Variants in CELF4 observed in about 807,000 individuals in gnomAD.
CELF4 encodes CUGBP Elav-like family member 4, also known as CUG-BP- and ETR-3-like factor 4.
In CELF4, 18 loss-of-function variants were observed where a neutral mutation model predicts 59.9. The observed-to-expected ratio is 0.30, with a 90% confidence interval of 0.21 to 0.45. CELF4 has a LOEUF of 0.45. CELF4 is among the 20% of genes least tolerant of loss of function. The pLI, the probability that CELF4 is intolerant of heterozygous loss-of-function variation, is 1.00. For missense variants in CELF4, 456 were observed against 689.0 expected (o/e 0.66, Z 3.79); for synonymous variants, 261 against 267.1 (o/e 0.98, Z 0.22).
At chr18:37,381,836 GGTCCCA>G (rs1192542883) in intron 2 of CELF4, among the ~76,000 whole-genome samples, 1 of 152,106 alleles carries the variant, frequency 6.6e-6, no homozygotes, top group African/African-American at 2.4e-5. Flanking sequence ...GTTCCTGTGC[GGTCCCA>G]GTCTCACCCT....
At chr18:37,399,850 C>T (rs1275102249) in intron 2 of CELF4, among the ~76,000 whole-genome samples, 3 of 152,230 alleles carry the variant, frequency 2.0e-5, no homozygotes, top group Non-Finnish European at 4.4e-5. Flanking sequence ...TTTCCCTAAG[C>T]ACATCCTTTC....
chr18:37,337,032 C>A (rs751355394), intron 2 of CELF4, among the ~76,000 whole-genome samples: 2 of 152,200 alleles, frequency 1.3e-5, no homozygotes, highest in East Asian at 3.9e-4. Context: ...CCATGCCTGG[C>A]GCTCACAGGC....
intron 2 of CELF4, among the ~76,000 whole-genome samples, chr18:37,449,290 A>T (rs918060557): frequency 3.9e-5 from 6 of 152,118 alleles, no homozygotes; most frequent in African/African-American, 1.4e-4. Context: ...GTTGCCTTTG[A>T]CTGAGAGTTA....
intron 2 of CELF4, among the ~76,000 whole-genome samples, chr18:37,435,234 C>T (rs755293649): frequency 6.6e-6 from 1 of 152,182 alleles, no homozygotes; most frequent in Non-Finnish European, 1.5e-5. Flanking sequence ...TCTACTTTCT[C>T]TGTGAGCATC....
At chr18:37,283,822 G>C (rs1024023351) in intron 3 of CELF4, among the ~76,000 whole-genome samples, 11 of 141,858 alleles carry the variant, frequency 7.8e-5, no homozygotes, top group African/African-American at 2.8e-4. Flanking sequence ...TTGCATTGTG[G>C]GAGAGGCAAG....
chr18:37,254,273 G>T lies in CELF4; in HGVS notation c.1334-335C>A, dbSNP rs2067685725. Among the ~76,000 whole-genome samples, 2 of 151,502 alleles carry T rather than the reference G, an allele frequency of 1.3e-5. No homozygotes were observed. The highest frequency in any genetic ancestry group is 4.8e-5 in the African/African-American group (2 of 41,326). On this transcript the variant is annotated intron_variant, in intron 11 of 12. Coordinates refer to ENST00000420428, the MANE Select transcript of CELF4 (RefSeq NM_020180.4). This position sits in a 1 kb window ranked among gnomAD's most constrained non-coding sequence, Gnocchi z 5.1. ...CACCCCCGCCGGCCCCGGCACCTCA[G>T]CCCTCGCCTCGGCGGGAGAGGGCGG...
chr18:37,476,212 C>T (rs2099848555), intron 2 of CELF4, among the ~76,000 whole-genome samples: 1 of 152,208 alleles, frequency 6.6e-6, no homozygotes, highest in Admixed American at 6.5e-5. Flanking sequence ...TGGGTGGATG[C>T]CCCAAGTTGG....
intron 3 of CELF4, among the ~76,000 whole-genome samples, chr18:37,295,372 A>G (rs1053966598): frequency 2.0e-5 from 3 of 152,212 alleles, no homozygotes; most frequent in African/African-American, 4.8e-5. Flanking sequence ...ACAAGCTGAA[A>G]GGATTATGGG....
intron 2 of CELF4, among the ~76,000 whole-genome samples, chr18:37,395,677 G>A (rs903946480): frequency 2.6e-5 from 4 of 152,222 alleles, no homozygotes; most frequent in African/African-American, 9.6e-5. Flanking sequence ...TCTGTCAAGT[G>A]GTAGAGGCGC....
chr18:37,285,878 G>A (rs1044214611), intron 3 of CELF4, among the ~76,000 whole-genome samples: 2 of 152,168 alleles, frequency 1.3e-5, no homozygotes, highest in Admixed American at 6.5e-5. Flanking sequence ...CACGATAGAC[G>A]GCCCTGGAGT....
At chr18:37,364,014 A>G (rs1053349223) in intron 2 of CELF4, among the ~76,000 whole-genome samples, 4 of 152,182 alleles carry the variant, frequency 2.6e-5, no homozygotes, top group African/African-American at 9.7e-5. Context: ...GGGCCCTCTG[A>G]GGAGAGGCCT....
chr18:37,266,361 C>A, intron 9 of CELF4, 172 bp downstream of exon 9: 3 of 692,698 alleles, frequency 4.3e-6, no homozygotes, highest in Non-Finnish European at 7.3e-6. Flanking sequence ...CTCGGTGGCC[C>A]GCTGACAAGA....
intron 3 of CELF4, among the ~76,000 whole-genome samples, chr18:37,317,364 G>A (rs988527306): frequency 6.6e-6 from 1 of 151,476 alleles, no homozygotes; most frequent in African/African-American, 2.5e-5. Flanking sequence ...TCCAGCCTGG[G>A]CAACAAAAGC....
intron 2 of CELF4, among the ~76,000 whole-genome samples, chr18:37,385,694 T>G (rs2099091954): frequency 6.6e-6 from 1 of 152,214 alleles, no homozygotes; most frequent in Admixed American, 6.5e-5. Context: ...CCAGAATGCT[T>G]TTTCTATGAT....
At chr18:37,527,674 C>T (rs1315949254) in intron 1 of CELF4, among the ~76,000 whole-genome samples, 1 of 152,178 alleles carries the variant, frequency 6.6e-6, no homozygotes, top group Non-Finnish European at 1.5e-5. Flanking sequence ...AGAATGCAGG[C>T]TGGCTTTCCA....
At chr18:37,273,199 T>C in intron 6 of CELF4, 36 bp from the exon 7 acceptor site, 1 of 1,589,780 alleles carries the variant, frequency 6.3e-7, no homozygotes, top group Non-Finnish European at 8.6e-7. Context: ...ATCACGTGCT[T>C]CCAGGGGGCA....
chr18:37,260,130 G>C (rs887131620), intron 10 of CELF4, among the ~76,000 whole-genome samples: 1 of 152,188 alleles, frequency 6.6e-6, no homozygotes, highest in African/African-American at 2.4e-5. Flanking sequence ...TAAGTCACCT[G>C]CCAAAACACG....
intron 1 of CELF4, among the ~76,000 whole-genome samples, chr18:37,511,231 T>C (rs2099943959): frequency 6.6e-6 from 1 of 152,222 alleles, no homozygotes; most frequent in Non-Finnish European, 1.5e-5. Context: ...GCCACAGGTA[T>C]GCATCAGCTG....
At chr18:37,485,269 G>C (rs918550933) in intron 2 of CELF4, among the ~76,000 whole-genome samples, 4 of 151,760 alleles carry the variant, frequency 2.6e-5, no homozygotes, top group African/African-American at 9.7e-5. Flanking sequence ...GGGGACCCGG[G>C]ACGCGCCGCT....
Sources: gnomAD v4.1 joint callset for allele counts (sites outside exome capture counted in the v4.1 genomes callset) on GRCh38, gnomAD v4.1.1 for gene constraint, Gnocchi (gnomAD v3.1) non-coding constraint, MANE v1.5 for transcripts, NCBI Gene and HGNC (gene_info 2026-07-23, HGNC 2026-07-21) for gene names.